The following LOX variants were observed in gnomAD, a reference collection of about 807,000 sequenced individuals.
LOX encodes protein-lysine 6-oxidase.
In LOX, 12 loss-of-function variants were observed where a neutral mutation model predicts 50.5. The ratio of observed to expected loss-of-function variants is 0.24; its 90% CI spans 0.15 to 0.38. The LOEUF (loss-of-function observed/expected upper bound fraction) is 0.38. Among genes scored for constraint, LOX ranks in the 10% least tolerant of loss-of-function variants. The pLI is 1.00. For synonymous variants in LOX, 254 were observed against 230.6 expected (o/e 1.10, Z -0.92); for missense variants, 504 against 563.8 (o/e 0.89, Z 1.07).
chr5:122,077,342 TG>T lies in LOX; in HGVS notation c.631+12del, dbSNP rs1432866872. ...GGTGCACGGGTGCTTCCAGCGGACTTGGGGGTACTTACCGTACTGGAAGTAG... is the reference window on the plus strand; with the variant it reads ...GGTGCACGGGTGCTTCCAGCGGACTTGGGGTACTTACCGTACTGGAAGTAG... On this transcript the variant is annotated intron_variant, in intron 1 of 6. Coordinates refer to ENST00000231004, the MANE Select transcript of LOX (RefSeq NM_002317.7). The surrounding 1 kb of genome is among the most constrained non-coding windows in gnomAD (Gnocchi z 4.9). The T allele has an allele frequency of 1.9e-6, 3 of 1,613,424 alleles. No homozygotes were observed. The African/African-American group carries it at 4.0e-5, about 22-fold the overall frequency.
chr5:122,075,390 G>A lies in LOX; in HGVS notation c.878+14C>T, dbSNP rs1275317867. On this transcript the variant is annotated intron_variant, in intron 3 of 6. Transcript: ENST00000231004. Reference sequence around the variant, plus strand: ...AAAGCAACCCAAAAGTACCCAGGAGGCCCATTTACTTACTGATGACAACTG... The same window carrying A: ...AAAGCAACCCAAAAGTACCCAGGAGACCCATTTACTTACTGATGACAACTG... The A allele has an allele frequency of 6.3e-7, 1 of 1,590,938 alleles. No individual in the cohort carries two copies. Among genetic ancestry groups the A allele is most frequent in the African/African-American group, 1.4e-5 (1 of 73,882 alleles).
In LOX at chr5:122,077,850, T is replaced by C. The variant is rs973193565; in HGVS notation, c.136A>G (p.Ile46Val). ...ACCTGCCCGTTGTTCTCCCATTGGA[T>C]CTGCTGGCGCCAGGCGCCCGGAGCC... ...PAAPGAWRQQ[I>V]QWENNGQVFS... Residue 46 changes from isoleucine (I) to valine (V), a missense_variant, in exon 1 of 7, where the codon ATC becomes GTC. Transcript: ENST00000231004. The surrounding 1 kb of genome is among the most constrained non-coding windows in gnomAD (Gnocchi z 4.9). 2 of 1,546,136 alleles carry C rather than the reference T, an allele frequency of 1.3e-6. No individual in the cohort carries two copies. The highest frequency in any genetic ancestry group is 2.8e-5 in the African/African-American group (2 of 71,330).
At chr5:122,066,841 C>T in intron 6 of LOX, 92 bp from the exon 7 acceptor site, 1 of 788,006 alleles carries the variant, frequency 1.3e-6, no homozygotes, top group Non-Finnish European at 2.2e-6. Context: ...CTTTTAAAAA[C>T]TTTATGCAAC....
In LOX at chr5:122,063,846, G is replaced by C. The variant is rs554113427; in HGVS notation, c.*2897C>G. 14 of 151,948 alleles carry C rather than the reference G, an allele frequency of 9.2e-5. No individual in the cohort carries two copies. Among genetic ancestry groups the C allele is most frequent in the African/African-American group, 3.1e-4 (13 of 41,490 alleles). The allele number at this position is 151,948 out of a possible 1,614,324, so 9.4% of individuals were successfully genotyped here. A position where few individuals can be genotyped will look rare whatever the true frequency, so the allele number is the denominator to read the frequency against. On this transcript the variant is annotated 3_prime_UTR_variant, in exon 7 of 7. Transcript: ENST00000231004. ...GAATATTGGGAATGTTTATAAGTGTGACTATCCTATGAGATTTCAAAGAGA... is the reference window on the plus strand; with the variant it reads ...GAATATTGGGAATGTTTATAAGTGTCACTATCCTATGAGATTTCAAAGAGA...
At position 122,077,011 on chromosome 5, in the gene LOX, A is replaced by G. The variant is rs372387691; in HGVS notation, c.632-10T>C. ...ACCAGGTCTGGGAGACCTAAACGTC[A>G]GCAGGCGACGGGCGCAGCAGTGAAA... On this transcript the variant is annotated splice_polypyrimidine_tract_variant and intron_variant, in intron 1 of 6. Transcript: ENST00000231004. The surrounding 1 kb of genome is among the most constrained non-coding windows in gnomAD (Gnocchi z 4.9). The G allele has an allele frequency of 1.5e-5, 24 of 1,612,320 alleles. 1 individual carries two copies. The highest frequency in any genetic ancestry group is 2.0e-5 in the Non-Finnish European group (24 of 1,179,912).
intron 6 of LOX, among the ~76,000 whole-genome samples, chr5:122,067,669 A>C (rs1651697310): frequency 6.6e-6 from 1 of 152,124 alleles, no homozygotes; most frequent in South Asian, 2.1e-4. Context: ...ATCTGGCTCA[A>C]CTTACTTTTC....
Position 122,074,006 on chromosome 5 carries a change from A to G in LOX, c.1035+7T>C, listed in dbSNP as rs1754535737. ...TTGAGGTTCTGGATTTCAGGGTGCC[A>G]ACATACCTGTGTGTGTGCAGTACAT... On this transcript the variant is annotated splice_region_variant and intron_variant, in intron 4 of 6. Transcript: ENST00000231004. 2.5e-6 allele frequency: 4 copies of G among 1,609,812 alleles called. No homozygotes were observed. In the East Asian group the frequency reaches 8.9e-5, roughly 36 times the overall value.
At chr5:122,069,959 T>C (rs754513063) in intron 6 of LOX, 94 bp downstream of exon 6, 4 of 890,186 alleles carry the variant, frequency 4.5e-6, no homozygotes, top group Non-Finnish European at 7.6e-6. Flanking sequence ...AAAGCTGCTG[T>C]AGTAGCAGAA....
Position 122,070,184 on chromosome 5 carries a change from A to C in LOX, c.1132-16T>G. The C allele has an allele frequency of 1.5e-6, 2 of 1,354,694 alleles. No individual in the cohort carries two copies. Among genetic ancestry groups the C allele is most frequent in the Non-Finnish European group, 2.1e-6 (2 of 944,068 alleles). The allele number at this position is 1,354,694 out of a possible 1,614,324, so 83.9% of individuals were successfully genotyped here. On this transcript the variant is annotated splice_polypyrimidine_tract_variant and intron_variant, in intron 5 of 6. Transcript: ENST00000231004. Reference sequence around the variant, plus strand: ...TTACACTGACCTGGGCAACACAAAGAGTTCCTCAGTATTTCTTTTTCCATA... The same window carrying C: ...TTACACTGACCTGGGCAACACAAAGCGTTCCTCAGTATTTCTTTTTCCATA...
Position 122,066,440 on chromosome 5 carries a change from A to G in LOX, c.*303T>C. ...ACTGACCATTTTGCACTACAATTTC[A>G]AAAGGAACATGAGAAATTTGGATTT... On this transcript the variant is annotated 3_prime_UTR_variant, in exon 7 of 7. Coordinates refer to ENST00000231004, the MANE Select transcript of LOX (RefSeq NM_002317.7). 3.1e-6 allele frequency: 1 copy of G among 317,798 alleles called. No individual in the cohort carries two copies. The highest frequency in any genetic ancestry group is 5.8e-6 in the Non-Finnish European group (1 of 171,878). The allele number at this position is 317,798 out of a possible 1,614,324, so 19.7% of individuals were successfully genotyped here.
rs759310341 is a variant in LOX at position 122,077,869 on chromosome 5, C to T, written c.117G>A (p.Pro39=). 6 of 1,535,280 alleles carry T rather than the reference C, an allele frequency of 3.9e-6. No homozygotes were observed. Among genetic ancestry groups the T allele is most frequent in the South Asian group, 1.2e-5 (1 of 82,026 alleles). Residue 39 remains proline, a synonymous_variant, in exon 1 of 7, where the codon CCG becomes CCA. Coordinates refer to ENST00000231004, the MANE Select transcript of LOX (RefSeq NM_002317.7). This position sits in a 1 kb window ranked among gnomAD's most constrained non-coding sequence, Gnocchi z 4.9. ...QQPPREPPAA[P]GAWRQQIQWE... ...ATTGGATCTGCTGGCGCCAGGCGCC[C>T]GGAGCCGCCGGCGGCTCGCGCGGGG...
chr5:122,078,113 G>C lies in LOX; in HGVS notation c.-128C>G, dbSNP rs1754697282. ...AGGCGAGCGGAGCACGGGTATCTCAGTCTCCACCAAGCAATGCCAAGGGTG... is the reference window on the plus strand; with the variant it reads ...AGGCGAGCGGAGCACGGGTATCTCACTCTCCACCAAGCAATGCCAAGGGTG... On this transcript the variant is annotated 5_prime_UTR_variant, in exon 1 of 7. Transcript: ENST00000231004. The C allele has an allele frequency of 1.2e-6, 1 of 863,588 alleles. No individual in the cohort carries two copies. The highest frequency in any genetic ancestry group is 1.6e-6 in the Non-Finnish European group (1 of 618,694). The allele number at this position is 863,588 out of a possible 1,614,324, so 53.5% of individuals were successfully genotyped here.
chr5:122,074,858 T>A (rs886363585), intron 3 of LOX, among the ~76,000 whole-genome samples: 17 of 152,160 alleles, frequency 1.1e-4, no homozygotes, highest in African/African-American at 3.4e-4. Context: ...TTCCTGAAAA[T>A]AAACACCCAG....
In LOX at chr5:122,066,582, C is replaced by A; in HGVS notation, c.*161G>T. 1 of 535,186 alleles carries A rather than the reference C, an allele frequency of 1.9e-6. No homozygotes were observed. The highest frequency in any genetic ancestry group is 3.4e-6 in the Non-Finnish European group (1 of 291,936). 33.2% of individuals were successfully genotyped at this position (535,186 alleles called of 1,614,324 possible). On this transcript the variant is annotated 3_prime_UTR_variant, in exon 7 of 7. Transcript: ENST00000231004. ...TAATGATGACTTAAGCGTTCAAAAT[C>A]CAGTTATGTGCTTTGTTATTGAAAA...
At chr5:122,072,140 G>A (rs1013647301) in intron 4 of LOX, among the ~76,000 whole-genome samples, 5 of 152,084 alleles carry the variant, frequency 3.3e-5, no homozygotes, top group Admixed American at 6.6e-5. Context: ...GGATTCACTG[G>A]ATTAGATATT....
Position 122,077,144 on chromosome 5 carries a change from G to A in LOX, c.632-143C>T. 6.8e-7 allele frequency: 1 copy of A among 1,469,796 alleles called. No individual in the cohort carries two copies. The highest frequency in any genetic ancestry group is 9.0e-7 in the Non-Finnish European group (1 of 1,116,458). The allele number at this position is 1,469,796 out of a possible 1,614,324, so 91.0% of individuals were successfully genotyped here. On this transcript the variant is annotated intron_variant, in intron 1 of 6. Transcript: ENST00000231004. The surrounding 1 kb of genome is among the most constrained non-coding windows in gnomAD (Gnocchi z 4.9). Reference sequence around the variant, plus strand: ...AGCGGAGGACAGCAAGAGAACTGGGGACGCCCGGGACTGCAAAGCAATGTG... The same window carrying A: ...AGCGGAGGACAGCAAGAGAACTGGGAACGCCCGGGACTGCAAAGCAATGTG...
chr5:122,074,291 T>C, intron 3 of LOX, 122 bp from the exon 4 acceptor site: 1 of 763,104 alleles, frequency 1.3e-6, no homozygotes, highest in Non-Finnish European at 2.1e-6. Flanking sequence ...AGACCAAATT[T>C]ATCTTCTAAA....
intron 4 of LOX, among the ~76,000 whole-genome samples, chr5:122,071,191 A>ATGTGTG (rs1353851542): frequency 8.4e-6 from 1 of 118,588 alleles, no homozygotes; most frequent in African/African-American, 3.9e-5. Flanking sequence ...GTAAACATTT[A>ATGTGTG]TATGTGTGTG....
rs377582702 is a variant in LOX at position 122,070,545 on chromosome 5, G to A, written c.1080C>T (p.Asp360=). Reference sequence around the variant, plus strand: ...CATCTGTAATATCAATCCACTGGCAGTCTATGTCTGCACCATAGGTATCAT... The same window carrying A: ...CATCTGTAATATCAATCCACTGGCAATCTATGTCTGCACCATAGGTATCAT... The part of the protein sequence containing the change: ...GCYDTYGADI[D]CQWIDITDVK... The change falls in exon 5 of 7, where the codon GAC becomes GAT. Residue 360 remains aspartate, a synonymous_variant. Coordinates refer to ENST00000231004, the MANE Select transcript of LOX (RefSeq NM_002317.7). 32 of 1,609,244 alleles carry A rather than the reference G, an allele frequency of 2.0e-5. No homozygotes were observed. The African/African-American group carries it at 3.6e-4, about 18-fold the overall frequency.
Sources: allele counts gnomAD v4.1 joint callset (sites outside exome capture counted in the v4.1 genomes callset), GRCh38; gene constraint gnomAD v4.1.1; non-coding constraint Gnocchi (gnomAD v3.1); transcripts MANE v1.5; gene names NCBI Gene and HGNC (gene_info 2026-07-23, HGNC 2026-07-21).